DOCK9: variants seen among roughly 807,000 people sequenced by gnomAD.
The protein encoded by DOCK9 is dedicator of cytokinesis 9, also known as dedicator of cytokinesis protein 9.
DOCK9 carries 89 observed loss-of-function variants against 263.3 expected under a neutral mutation model. The observed-to-expected ratio is 0.34, with a 90% confidence interval of 0.28 to 0.40. DOCK9 has a LOEUF of 0.40. Ranked by LOEUF, DOCK9 falls within the 10% of genes least tolerant of loss-of-function variation. The pLI is 1.00. For synonymous variants in DOCK9, 976 were observed against 973.1 expected (o/e 1.00, Z -0.06); for missense variants, 2,140 against 2,603.4 (o/e 0.82, Z 3.87).
At chr13:98,891,226 C>A (rs2046571438) in intron 15 of DOCK9, among the ~76,000 whole-genome samples, 1 of 152,140 alleles carries the variant, frequency 6.6e-6, no homozygotes, top group Non-Finnish European at 1.5e-5. Context: ...CTCAGCTTCA[C>A]ATAGAACTCT....
intron 3 of DOCK9, among the ~76,000 whole-genome samples, chr13:98,927,713 C>T (rs1365096255): frequency 6.6e-6 from 1 of 151,838 alleles, no homozygotes; most frequent in Admixed American, 6.6e-5. Context: ...CTCTGCCTCC[C>T]GGGTTCAAGC....
At chr13:98,897,007 G>C (rs1243063729) in intron 15 of DOCK9, among the ~76,000 whole-genome samples, 1 of 152,196 alleles carries the variant, frequency 6.6e-6, no homozygotes, top group East Asian at 1.9e-4. Flanking sequence ...CAGAGGCAGA[G>C]TGGAGCAATG....
intron 49 of DOCK9, among the ~76,000 whole-genome samples, chr13:98,800,714 T>C (rs2090018064): frequency 1.3e-5 from 2 of 152,202 alleles, no homozygotes; most frequent in African/African-American, 4.8e-5. Context: ...ATCCTTTTAA[T>C]GTGACAAGCG....
chr13:98,820,626 T>C (rs1473987609), intron 45 of DOCK9: 2 of 392,244 alleles, frequency 5.1e-6, no homozygotes, highest in African/African-American at 4.3e-5. Context: ...TGGGGAGATG[T>C]GCTCTGCTAT....
At chr13:98,870,375 T>G (rs562576872) in intron 27 of DOCK9, among the ~76,000 whole-genome samples, 2 of 152,366 alleles carry the variant, frequency 1.3e-5, no homozygotes, top group East Asian at 3.9e-4. Flanking sequence ...AAAGGGATTT[T>G]GTTGCATATG....
Position 98,825,984 on chromosome 13 carries a change from G to C in DOCK9, c.5023+846C>G, listed in dbSNP as rs2092518443. 1 of 1,424,752 alleles carries C rather than the reference G, an allele frequency of 7.0e-7. No homozygotes were observed. Among genetic ancestry groups the C allele is most frequent in the African/African-American group, 1.5e-5 (1 of 68,802 alleles). The allele number at this position is 1,424,752 out of a possible 1,614,324, so 88.3% of individuals were successfully genotyped here. ...ATCACCTGATAAAAGGTCTCAACAG[G>C]AAATAGTACCGGTATTAAATGAACA... On this transcript the variant is annotated intron_variant, in intron 44 of 52. Transcript: ENST00000682017. This position sits in a 1 kb window ranked among gnomAD's most constrained non-coding sequence, Gnocchi z 4.1.
chr13:99,026,417 C>T (rs1886732423), intron 1 of DOCK9, among the ~76,000 whole-genome samples: 1 of 152,176 alleles, frequency 6.6e-6, no homozygotes, highest in African/African-American at 2.4e-5. Flanking sequence ...TACCCTAACA[C>T]AGCAAATGCC....
At chr13:98,833,442 A>G (rs1196086083) in intron 39 of DOCK9, among the ~76,000 whole-genome samples, 2 of 152,138 alleles carry the variant, frequency 1.3e-5, no homozygotes, top group Non-Finnish European at 2.9e-5. Flanking sequence ...CAAGCTTCCA[A>G]GTTCTGCTGT....
upstream of DOCK9, among the ~76,000 whole-genome samples, chr13:98,981,373 T>G (rs1393634661): frequency 6.6e-6 from 1 of 152,216 alleles, no homozygotes; most frequent in Non-Finnish European, 1.5e-5. Context: ...AGTAAAAATT[T>G]TTTTAAATGC....
At chr13:98,971,159 G>A (rs2059690934) in intron 1 of DOCK9, among the ~76,000 whole-genome samples, 1 of 152,206 alleles carries the variant, frequency 6.6e-6, no homozygotes, top group African/African-American at 2.4e-5. Context: ...CTGAAGCCCA[G>A]GAGGGTGGTG....
At position 98,831,695 on chromosome 13, in the gene DOCK9, G is replaced by A. The variant is rs539347599; in HGVS notation, c.4406C>T (p.Thr1469Met). 8.7e-6 allele frequency: 14 copies of A among 1,613,862 alleles called. No individual in the cohort carries two copies. The highest frequency in any genetic ancestry group is 7.7e-5 in the South Asian group (7 of 91,054). The change falls in exon 40 of 53, where the codon ACG becomes ATG. Residue 1469 changes from threonine to methionine, a missense_variant. Physicochemically the swap from Thr to Met is moderately conservative, Grantham distance 81. Around this residue, in one of 2 missense-constraint regions of DOCK9, gnomAD observed 619 missense variants for 861.8 expected, o/e 0.72. Transcript: ENST00000682017. ...GGCAGTGAAGACATTTTTTAAAGCC[G>A]TTTCAGACTGATGTTTTTGAAGAAA... ...LCFLQKHQSE[T>M]ALKNVFTALR...
chr13:99,014,159 G>A (rs1444121998), intron 1 of DOCK9, among the ~76,000 whole-genome samples: 1 of 152,236 alleles, frequency 6.6e-6, no homozygotes, highest in East Asian at 1.9e-4. Flanking sequence ...CCAAAGACAA[G>A]TCAGTCTGGT....
intron 1 of DOCK9, among the ~76,000 whole-genome samples, chr13:99,061,700 C>A (rs2041198356): frequency 6.6e-6 from 1 of 152,070 alleles, no homozygotes; most frequent in African/African-American, 2.4e-5. Context: ...CCCCACTGCT[C>A]CCAGGCGACC....
chr13:98,877,052 G>A (rs1305076790), intron 27 of DOCK9, among the ~76,000 whole-genome samples: 1 of 152,200 alleles, frequency 6.6e-6, no homozygotes, highest in East Asian at 1.9e-4. Context: ...CATTTGAGTG[G>A]TTTGTGTTAA....
At chr13:98,941,794 T>C (rs761156190) in intron 2 of DOCK9, among the ~76,000 whole-genome samples, 1 of 152,076 alleles carries the variant, frequency 6.6e-6, no homozygotes, top group Non-Finnish European at 1.5e-5. Flanking sequence ...AAAAATAAAA[T>C]GACATTCCCT....
At chr13:99,065,021 G>A (rs939527188) in intron 1 of DOCK9, among the ~76,000 whole-genome samples, 4 of 151,918 alleles carry the variant, frequency 2.6e-5, no homozygotes, top group Admixed American at 2.0e-4. Flanking sequence ...CCTGTGTAAC[G>A]GGCTGGATGT....
At chr13:99,073,471 T>G (rs1031035408) in intron 1 of DOCK9, among the ~76,000 whole-genome samples, 2 of 152,052 alleles carry the variant, frequency 1.3e-5, no homozygotes, top group Admixed American at 1.3e-4. Flanking sequence ...CGGGTCGATT[T>G]CTATTGCATT....
chr13:99,026,151 T>C (rs1243362938), intron 1 of DOCK9, among the ~76,000 whole-genome samples: 5 of 151,758 alleles, frequency 3.3e-5, no homozygotes, highest in Non-Finnish European at 7.4e-5. Flanking sequence ...GGGTGATGGC[T>C]AAGGGGTCCA....
chr13:98,903,234 T>C lies in DOCK9; in HGVS notation c.1036-122A>G, dbSNP rs532788817. ...GCTATATACACTTATTTACTCACAA[T>C]AGTGTTGCTATTATATAATCGGTTT... On this transcript the variant is annotated intron_variant, in intron 10 of 52. Transcript: ENST00000682017. The C allele has an allele frequency of 1.2e-4, 87 of 737,658 alleles. 1 individual carries two copies. In the African/African-American group the frequency reaches 1.5e-3, roughly 13 times the overall value. 45.7% of individuals were successfully genotyped at this position (737,658 alleles called of 1,614,324 possible).
Sources: allele counts gnomAD v4.1 joint callset (sites outside exome capture counted in the v4.1 genomes callset), GRCh38; gene constraint gnomAD v4.1.1; regional missense constraint gnomAD v4.1.1; non-coding constraint Gnocchi (gnomAD v3.1); transcripts MANE v1.5; gene names NCBI Gene and HGNC (gene_info 2026-07-23, HGNC 2026-07-21).